OR14A2: variants seen among roughly 807,000 people sequenced by gnomAD.
The protein encoded by OR14A2 is olfactory receptor family 14 subfamily A member 2.
For missense variants in OR14A2, 237 were observed against 152.9 expected (o/e 1.55, Z -2.90); for synonymous variants, 114 against 58.6 (o/e 1.95, Z -4.32).
the OR14A2 span, among the ~76,000 whole-genome samples, chr1:247,743,338 G>A: frequency 6.6e-6 from 1 of 152,112 alleles, no homozygotes; most frequent in East Asian, 1.9e-4. Flanking sequence ...CCACTGGAGT[G>A]TCTATAATGG....
upstream of OR14A2, among the ~76,000 whole-genome samples, chr1:247,725,866 A>C (rs1339446049): frequency 4.7e-4 from 48 of 101,120 alleles, no homozygotes; most frequent in African/African-American, 1.9e-3. Context: ...TGAACTCATC[A>C]TTTTTTATGG....
chr1:247,730,056 T>C, the OR14A2 span, among the ~76,000 whole-genome samples: 3 of 152,124 alleles, frequency 2.0e-5, no homozygotes, highest in African/African-American at 7.2e-5. Flanking sequence ...AATTACTATA[T>C]GTTTTGGTAT....
At chr1:247,730,358 C>T in the OR14A2 span, among the ~76,000 whole-genome samples, 1 of 152,034 alleles carries the variant, frequency 6.6e-6, no homozygotes, top group African/African-American at 2.4e-5. Flanking sequence ...CATAACTGCA[C>T]CCAACATCTG....
At chr1:247,723,611 C>T (rs1403158818) in exon 1 of OR14A2, 1 of 718,396 alleles carries the variant, frequency 1.4e-6, no homozygotes, top group Non-Finnish European at 2.6e-6. Flanking sequence ...GCCCAGGAAA[C>T]ACTTGCCATT....
At chr1:247,735,276 A>G in the OR14A2 span, among the ~76,000 whole-genome samples, 2 of 152,306 alleles carry the variant, frequency 1.3e-5, no homozygotes, top group African/African-American at 4.8e-5. Context: ...TCAGACCCCA[A>G]AGTCAGAGCA....
the OR14A2 span, among the ~76,000 whole-genome samples, chr1:247,736,826 CTCA>C: frequency 6.6e-6 from 1 of 152,192 alleles, no homozygotes; most frequent in Non-Finnish European, 1.5e-5. Context: ...CATGAATTAG[CTCA>C]TGTTATGAGT....
upstream of OR14A2, among the ~76,000 whole-genome samples, chr1:247,727,272 G>A (rs1365057460): frequency 2.7e-5 from 4 of 147,846 alleles, no homozygotes; most frequent in East Asian, 1.9e-4. Context: ...TGGATTCCTA[G>A]GTATTTTATT....
chr1:247,734,495 TG>T, the OR14A2 span, among the ~76,000 whole-genome samples: 21 of 152,288 alleles, frequency 1.4e-4, no homozygotes, highest in Middle Eastern at 3.4e-3. Context: ...AAAATGAGCT[TG>T]GGGGTTGTGT....
the OR14A2 span, among the ~76,000 whole-genome samples, chr1:247,736,706 C>A: frequency 6.6e-6 from 1 of 151,976 alleles, no homozygotes; most frequent in Non-Finnish European, 1.5e-5. Context: ...GCAACAGAAA[C>A]AAGGATGGAT....
At chr1:247,745,949 C>G in the OR14A2 span, among the ~76,000 whole-genome samples, 24,845 of 152,012 alleles carry the variant, frequency 0.16, 3,832 homozygotes, top group African/African-American at 0.41. Flanking sequence ...GCAGGATGGT[C>G]GTTAATTGGG....
chr1:247,740,915 T>A, the OR14A2 span, among the ~76,000 whole-genome samples: 1 of 152,236 alleles, frequency 6.6e-6, no homozygotes, highest in African/African-American at 2.4e-5. Flanking sequence ...TTTGTTTATG[T>A]TACTCATAAC....
At chr1:247,741,306 T>A in the OR14A2 span, among the ~76,000 whole-genome samples, 1 of 152,240 alleles carries the variant, frequency 6.6e-6, no homozygotes, top group Non-Finnish European at 1.5e-5. Context: ...CATAAACTCT[T>A]TGATTTACTC....
In OR14A2 at chr1:247,723,921, AAGGTT is replaced by A. The variant is rs1660268681; in HGVS notation, c.118_122del (p.Asn40SerfsTer78). On this transcript the variant is annotated frameshift_variant, in exon 1 of 1. Transcript: ENST00000366485. LOFTEE classifies it low-confidence loss of function (END_TRUNC). Reference sequence around the variant, plus strand: ...CCAGGGTAATGAGAGTAATGATGAGAAGGTTACTCATTAGGGCTGCCAGGTAAATC... The same window carrying A: ...CCAGGGTAATGAGAGTAATGATGAGAACTCATTAGGGCTGCCAGGTAAATC... 1 of 717,084 alleles carries A rather than the reference AAGGTT, an allele frequency of 1.4e-6. No individual in the cohort carries two copies. Among genetic ancestry groups the A allele is most frequent in the South Asian group, 1.5e-5 (1 of 67,542 alleles). The allele number at this position is 717,084 out of a possible 1,614,324, so 44.4% of individuals were successfully genotyped here. A position where few individuals can be genotyped will look rare whatever the true frequency, so the allele number is the denominator to read the frequency against.
chr1:247,742,924 C>A, the OR14A2 span, among the ~76,000 whole-genome samples: 12 of 152,114 alleles, frequency 7.9e-5, no homozygotes, highest in African/African-American at 2.9e-4. Flanking sequence ...ACTATGCTAT[C>A]AAATATGGCA....
chr1:247,724,360 C>T (rs1660283973), upstream of OR14A2, among the ~76,000 whole-genome samples: 3 of 152,114 alleles, frequency 2.0e-5, no homozygotes, highest in South Asian at 6.2e-4. Flanking sequence ...GCTTTTCCAA[C>T]CCACTGAGAA....
chr1:247,733,916 A>G, the OR14A2 span, among the ~76,000 whole-genome samples: 694 of 152,328 alleles, frequency 4.6e-3, 2 homozygotes, highest in African/African-American at 0.015. Context: ...TGAGAAATCT[A>G]CAAAACAGCT....
At chr1:247,734,021 T>A in the OR14A2 span, among the ~76,000 whole-genome samples, 5 of 152,206 alleles carry the variant, frequency 3.3e-5, no homozygotes, top group South Asian at 6.2e-4. Context: ...GCAAAAACAA[T>A]ATCATTTATA....
chr1:247,732,541 T>G, the OR14A2 span, among the ~76,000 whole-genome samples: 2 of 152,290 alleles, frequency 1.3e-5, no homozygotes, highest in African/African-American at 4.8e-5. Context: ...AAGTAAAACC[T>G]CTCTTTTAGC....
the OR14A2 span, among the ~76,000 whole-genome samples, chr1:247,729,057 TC>T: frequency 6.6e-6 from 1 of 152,126 alleles, no homozygotes; most frequent in Non-Finnish European, 1.5e-5. Flanking sequence ...TATTTGCCTT[TC>T]TTTTATTTCA....
Sources: gnomAD v4.1 joint callset for allele counts (sites outside exome capture counted in the v4.1 genomes callset) on GRCh38, gnomAD v4.1.1 for gene constraint, MANE v1.5 for transcripts, NCBI Gene and HGNC (gene_info 2026-07-23, HGNC 2026-07-21) for gene names.